BRSK1: variants seen among roughly 807,000 people sequenced by gnomAD.
BRSK1 encodes serine/threonine-protein kinase BRSK1.
In BRSK1, 17 loss-of-function variants were observed where a neutral mutation model predicts 86.2. That is an observed-to-expected ratio of 0.20 (90% CI 0.14 to 0.30). BRSK1 has a LOEUF of 0.30. Ranked by LOEUF, BRSK1 falls within the 10% of genes least tolerant of loss-of-function variation. BRSK1 has a pLI of 1.00. For missense variants in BRSK1, 719 were observed against 1,071.9 expected (o/e 0.67, Z 4.60); for synonymous variants, 464 against 440.1 (o/e 1.05, Z -0.68).
At chr19:55,298,551 A>G (rs930694394) in intron 7 of BRSK1, among the ~76,000 whole-genome samples, 9 of 152,204 alleles carry the variant, frequency 5.9e-5, no homozygotes, top group Non-Finnish European at 1.2e-4. Flanking sequence ...GTCAAAATGT[A>G]TCTGTAACCC....
Position 55,304,880 on chromosome 19 carries a change from C to T in BRSK1, c.1677C>T (p.Ser559=), listed in dbSNP as rs2088626089. Residue 559 remains serine (S), a synonymous_variant, in exon 14 of 19, where the codon AGC becomes AGT. Transcript: ENST00000309383. The surrounding 1 kb of genome is among the most constrained non-coding windows in gnomAD (Gnocchi z 5.2). ...WRSRLNSIRN[S]FLGSPRFHRR... ...GTCGTCTCAACTCCATCCGCAACAG[C>T]TTCCTGGGCTCCCCTCGCTTTCACC... The T allele has an allele frequency of 6.2e-7, 1 of 1,609,734 alleles. No homozygotes were observed. The highest frequency in any genetic ancestry group is 2.2e-5 in the East Asian group (1 of 44,870).
intron 18 of BRSK1, 23 bp from the exon 19 acceptor site, chr19:55,311,888 A>G (rs2088806475): frequency 6.2e-7 from 1 of 1,609,820 alleles, no homozygotes; most frequent in Non-Finnish European, 8.5e-7. Flanking sequence ...GGAACCCACG[A>G]AAAACCTCTT....
rs2088830709 is a variant in BRSK1, at chr19:55,312,533, C to CACAA, written c.*466_*467insCAAA. ...TCCGTGTCTCTGATTCCGCCGGCGG[C>CACAA]AAAAAAAAAAAAAAAAAAAAAAAAA... On this transcript the variant is annotated 3_prime_UTR_variant, in exon 19 of 19. Transcript: ENST00000309383. 2 of 25,726 alleles carry CACAA rather than the reference C, an allele frequency of 7.8e-5. No individual in the cohort carries two copies. The highest frequency in any genetic ancestry group is 3.5e-4 in the African/African-American group (2 of 5,638). The allele number at this position is 25,726 out of a possible 1,614,324, so 1.6% of individuals were successfully genotyped here.
intron 18 of BRSK1, among the ~76,000 whole-genome samples, chr19:55,311,029 C>T (rs1022467106): frequency 2.0e-5 from 3 of 152,124 alleles, no homozygotes; most frequent in Non-Finnish European, 4.4e-5. Flanking sequence ...GGCGCGATCT[C>T]AGCTCACTGC....
chr19:55,308,634 T>C lies in BRSK1; in HGVS notation c.2090-5T>C. The C allele has an allele frequency of 6.2e-7, 1 of 1,608,164 alleles. No homozygotes were observed. Among genetic ancestry groups the C allele is most frequent in the Non-Finnish European group, 8.5e-7 (1 of 1,176,836 alleles). On this transcript the variant is annotated splice_polypyrimidine_tract_variant and splice_region_variant and intron_variant, in intron 17 of 18. Transcript: ENST00000309383. ...CAGTGTTTTTCTGCCCGCCTGTGCC[T>C]CTAGGTCCCAGCCGTCGGTTCAAGC...
intron 7 of BRSK1, among the ~76,000 whole-genome samples, chr19:55,296,674 G>A (rs529353019): frequency 1.2e-3 from 175 of 152,166 alleles, no homozygotes; most frequent in African/African-American, 4.0e-3. Context: ...GTGAAACCCC[G>A]TCTCTACTAA....
Position 55,284,131 on chromosome 19 carries a change from T to C in BRSK1, c.-312T>C. On this transcript the variant is annotated 5_prime_UTR_variant, in exon 1 of 19. Transcript: ENST00000309383. The stretch of plus-strand genomic sequence containing the variant: ...CCTGCAGCATCCGCCGGCCCGCACC[T>C]CAGACCCCCCCGGCGGGGGGAGGCG... 8.8e-7 allele frequency: 1 copy of C among 1,141,388 alleles called. No homozygotes were observed. Among genetic ancestry groups the C allele is most frequent in the African/African-American group, 1.6e-5 (1 of 60,626 alleles). 70.7% of individuals were successfully genotyped at this position (1,141,388 alleles called of 1,614,324 possible).
At chr19:55,292,230 C>T (rs551257848) in intron 4 of BRSK1, among the ~76,000 whole-genome samples, 1 of 152,196 alleles carries the variant, frequency 6.6e-6, no homozygotes, top group African/African-American at 2.4e-5. Context: ...AGACACCAAC[C>T]CTTAAACCTT....
At position 55,284,450 on chromosome 19, in the gene BRSK1, C is replaced by T. The variant is rs2122918900; in HGVS notation, c.8C>T (p.Ser3Phe). 2 of 1,294,892 alleles carry T rather than the reference C, an allele frequency of 1.5e-6. No homozygotes were observed. Among genetic ancestry groups the T allele is most frequent in the Middle Eastern group, 3.0e-4 (1 of 3,360 alleles). The allele number at this position is 1,294,892 out of a possible 1,614,324, so 80.2% of individuals were successfully genotyped here. MS[S>F]GAKEGGGGSP... ...GCCGGGACCAAGGGCACCATGTCGT[C>T]CGGGGCCAAGGAGGGAGGTGGGGGC... The change falls in exon 1 of 19, where the codon TCC becomes TTC. Residue 3 changes from serine (S) to phenylalanine (F), a missense_variant. Physicochemically the swap from Ser to Phe is radical, Grantham distance 155. Coordinates refer to ENST00000309383, the MANE Select transcript of BRSK1 (RefSeq NM_032430.2).
rs144130246 is a variant in BRSK1, at chr19:55,302,746, C to T, written c.907C>T (p.Arg303Trp). ...DPCLEPAPGRRVAMRSLPSNG... is the reference protein window; with the variant it reads ...DPCLEPAPGRWVAMRSLPSNG... ...GTGCCTGGAGCCAGCCCCTGGCCGC[C>T]GGGTAGCCATGCGGAGCCTGCCATC... The change falls in exon 10 of 19, where the codon CGG becomes TGG. Residue 303 changes from arginine (R) to tryptophan (W), a missense_variant. Arg to Trp is a moderately radical substitution (Grantham distance 101, BLOSUM62 -3). Coordinates refer to ENST00000309383, the MANE Select transcript of BRSK1 (RefSeq NM_032430.2). This position sits in a 1 kb window ranked among gnomAD's most constrained non-coding sequence, Gnocchi z 6.3. 3.1e-6 allele frequency: 5 copies of T among 1,612,978 alleles called. No individual in the cohort carries two copies. Among genetic ancestry groups the T allele is most frequent in the South Asian group, 1.1e-5 (1 of 91,070 alleles).
chr19:55,305,891 G>C (rs1175132033), intron 16 of BRSK1, among the ~76,000 whole-genome samples: 1 of 152,188 alleles, frequency 6.6e-6, no homozygotes, highest in African/African-American at 2.4e-5. Context: ...CTGCCCCATT[G>C]CTGGTCTGTG....
intron 7 of BRSK1, among the ~76,000 whole-genome samples, chr19:55,300,884 C>G (rs569996296): frequency 6.6e-6 from 1 of 152,202 alleles, no homozygotes; most frequent in African/African-American, 2.4e-5. Flanking sequence ...TCAGCAGGGC[C>G]CTGCTTCCTC....
At chr19:55,301,733 G>T (rs2088572002) in intron 8 of BRSK1, 75 bp downstream of exon 8, 7 of 1,518,542 alleles carry the variant, frequency 4.6e-6, no homozygotes, top group Non-Finnish European at 6.2e-6. Context: ...AAGTCATGGG[G>T]ATGGGTTTCC....
In BRSK1 at chr19:55,304,676, G is replaced by A. The variant is rs1332456892; in HGVS notation, c.1473G>A (p.Gln491=). 12 of 1,485,596 alleles carry A rather than the reference G, an allele frequency of 8.1e-6. No individual in the cohort carries two copies. The allele number at this position is 1,485,596 out of a possible 1,614,324, so 92.0% of individuals were successfully genotyped here. A position where few individuals can be genotyped will look rare whatever the true frequency, so the allele number is the denominator to read the frequency against. Residue 491 remains glutamine (Q), a synonymous_variant, in exon 14 of 19, where the codon CAG becomes CAA. Coordinates refer to ENST00000309383, the MANE Select transcript of BRSK1 (RefSeq NM_032430.2). This position sits in a 1 kb window ranked among gnomAD's most constrained non-coding sequence, Gnocchi z 5.2. ...RGPRGGGAGE[Q]PPPPSARSTP... is the part of the protein sequence containing the mutation. ...CCAGGGGTGGGGGCGCCGGGGAGCA[G>A]CCCCCGCCCCCCAGTGCCCGCTCCA...
In BRSK1 at chr19:55,284,451, C is replaced by T. The variant is rs772178567; in HGVS notation, c.9C>T (p.Ser3=). 7.7e-7 allele frequency: 1 copy of T among 1,296,234 alleles called. No individual in the cohort carries two copies. Among genetic ancestry groups the T allele is most frequent in the Non-Finnish European group, 1.0e-6 (1 of 1,001,352 alleles). 80.3% of individuals were successfully genotyped at this position (1,296,234 alleles called of 1,614,324 possible). A position where few individuals can be genotyped will look rare whatever the true frequency, so the allele number is the denominator to read the frequency against. Residue 3 remains serine, a synonymous_variant, in exon 1 of 19, where the codon TCC becomes TCT. Coordinates refer to ENST00000309383, the MANE Select transcript of BRSK1 (RefSeq NM_032430.2). ...CCGGGACCAAGGGCACCATGTCGTCCGGGGCCAAGGAGGGAGGTGGGGGCT... is the reference window on the plus strand; with the variant it reads ...CCGGGACCAAGGGCACCATGTCGTCTGGGGCCAAGGAGGGAGGTGGGGGCT... MS[S]GAKEGGGGSP... is the part of the protein sequence containing the mutation.
intron 7 of BRSK1, among the ~76,000 whole-genome samples, chr19:55,301,122 C>T (rs1185378971): frequency 6.6e-6 from 1 of 152,354 alleles, no homozygotes; most frequent in East Asian, 1.9e-4. Context: ...CTCACTCAGT[C>T]GCTCGTCATT....
intron 3 of BRSK1, among the ~76,000 whole-genome samples, chr19:55,288,845 A>G (rs527850168): frequency 6.6e-6 from 1 of 152,240 alleles, no homozygotes; most frequent in South Asian, 2.1e-4. Context: ...TCGGCCTCCC[A>G]AAGTGCTGGG....
intron 3 of BRSK1, 134 bp from the exon 4 acceptor site, chr19:55,289,346 A>G: frequency 1.9e-6 from 2 of 1,042,096 alleles, no homozygotes; most frequent in Non-Finnish European, 1.4e-6. Context: ...GACCCATGGG[A>G]ATTGGAGTCT....
intron 4 of BRSK1, 113 bp from the exon 5 acceptor site, chr19:55,293,904 A>C (rs1488556926): frequency 1.2e-6 from 1 of 800,500 alleles, no homozygotes; most frequent in Non-Finnish European, 2.0e-6. Context: ...ATGGTCTCTC[A>C]TCCCCTAAAA....
Sources: gnomAD v4.1 joint callset for allele counts (sites outside exome capture counted in the v4.1 genomes callset) on GRCh38, gnomAD v4.1.1 for gene constraint, Gnocchi (gnomAD v3.1) non-coding constraint, MANE v1.5 for transcripts, NCBI Gene and HGNC (gene_info 2026-07-23, HGNC 2026-07-21) for gene names.